The following VPS13B variants were observed in gnomAD, a reference collection of about 807,000 sequenced individuals.
VPS13B encodes intermembrane lipid transfer protein VPS13B.
In VPS13B, 285 loss-of-function variants were observed where a neutral mutation model predicts 426.4. The ratio of observed to expected loss-of-function variants is 0.67; its 90% confidence interval spans 0.61 to 0.74. The LOEUF (loss-of-function observed/expected upper bound fraction) is 0.74, where lower values mean the gene tolerates loss of function less well. Ranked by LOEUF, VPS13B falls within the 30% of genes least tolerant of loss-of-function variation. The probability of loss-of-function intolerance (pLI) is 0.00; values close to 1 mark genes in which losing one functional copy is unlikely to be tolerated. For synonymous variants in VPS13B, 1,676 were observed against 1,676.4 expected (o/e 1.00, Z 0.01); for missense variants, 4,537 against 4,782.6 (o/e 0.95, Z 1.51).
At chr8:99,304,878 C>G (rs1421681331) in intron 19 of VPS13B, among the ~76,000 whole-genome samples, 1 of 152,058 alleles carries the variant, frequency 6.6e-6, no homozygotes, top group African/African-American at 2.4e-5. Flanking sequence ...TACTGCCCCC[C>G]TCCCAATGTT....
intron 39 of VPS13B, among the ~76,000 whole-genome samples, chr8:99,731,712 A>G (rs1434952387): frequency 1.3e-5 from 2 of 152,182 alleles, no homozygotes; most frequent in Non-Finnish European, 2.9e-5. Flanking sequence ...TAGAGAAGAA[A>G]TCTATGTTCT....
chr8:99,057,031 AGT>A (rs1843914081), intron 3 of VPS13B, among the ~76,000 whole-genome samples: 1 of 151,972 alleles, frequency 6.6e-6, no homozygotes, highest in Admixed American at 6.6e-5. Context: ...TTCATTGTTA[AGT>A]TATAGAAATG....
intron 30 of VPS13B, among the ~76,000 whole-genome samples, chr8:99,541,125 A>G (rs534517109): frequency 5.3e-5 from 8 of 152,098 alleles, no homozygotes; most frequent in Non-Finnish European, 7.4e-5. Flanking sequence ...GTATTTTAGT[A>G]TTACTTATCT....
chr8:99,301,466 T>G (rs1321267991), intron 19 of VPS13B, among the ~76,000 whole-genome samples: 1 of 151,934 alleles, frequency 6.6e-6, no homozygotes, highest in African/African-American at 2.4e-5. Context: ...GCTAATTTAT[T>G]TTTAGTAGAG....
chr8:99,397,542 A>C (rs775597268), intron 21 of VPS13B, among the ~76,000 whole-genome samples: 1 of 152,152 alleles, frequency 6.6e-6, no homozygotes, highest in Non-Finnish European at 1.5e-5. Flanking sequence ...TTTAGGCTTA[A>C]GTTTGGCTGA....
At chr8:99,121,726 T>C in intron 8 of VPS13B, 1 of 609,654 alleles carries the variant, frequency 1.6e-6, no homozygotes, top group Non-Finnish European at 2.3e-6. Context: ...CAAACATGCC[T>C]TAATATTGTC....
chr8:99,689,708 C>T (rs1394562320), intron 35 of VPS13B, among the ~76,000 whole-genome samples: 1 of 152,128 alleles, frequency 6.6e-6, no homozygotes, highest in African/African-American at 2.4e-5. Flanking sequence ...TAGTTTTTTT[C>T]TGTGTCCCTG....
chr8:99,212,263 G>A (rs181619594), intron 17 of VPS13B, among the ~76,000 whole-genome samples: 3 of 152,284 alleles, frequency 2.0e-5, no homozygotes, highest in East Asian at 1.9e-4. Flanking sequence ...TTAGCCAATC[G>A]AAACATTCCC....
At chr8:99,840,107 C>T (rs1215268761) in intron 54 of VPS13B, among the ~76,000 whole-genome samples, 4 of 152,224 alleles carry the variant, frequency 2.6e-5, no homozygotes, top group African/African-American at 9.6e-5. Flanking sequence ...TGTTATGTTC[C>T]CTTTTAAAAA....
intron 25 of VPS13B, among the ~76,000 whole-genome samples, chr8:99,497,926 G>T (rs968817844): frequency 3.9e-5 from 6 of 151,976 alleles, no homozygotes; most frequent in Admixed American, 6.6e-5. Context: ...TATTCAGAAT[G>T]TAGAAATCAT....
chr8:99,300,233 T>C (rs1025781004), intron 19 of VPS13B, among the ~76,000 whole-genome samples: 2 of 152,328 alleles, frequency 1.3e-5, no homozygotes, highest in East Asian at 1.9e-4. Flanking sequence ...CCATCTATTG[T>C]CTGCAATCCC....
At chr8:99,402,976 T>G (rs1815122903) in intron 21 of VPS13B, among the ~76,000 whole-genome samples, 1 of 152,206 alleles carries the variant, frequency 6.6e-6, no homozygotes, top group Non-Finnish European at 1.5e-5. Context: ...CTAAATTAAA[T>G]TAGAAAGGAC....
chr8:99,187,042 C>T (rs6468673), intron 16 of VPS13B, among the ~76,000 whole-genome samples: 113,774 of 152,092 alleles, frequency 0.75, 43,172 homozygotes, highest in South Asian at 0.87. Context: ...TATTGCCATA[C>T]AAATACTTAC....
intron 33 of VPS13B, among the ~76,000 whole-genome samples, chr8:99,600,447 G>A (rs1827233176): frequency 6.6e-6 from 1 of 152,064 alleles, no homozygotes; most frequent in Non-Finnish European, 1.5e-5. Flanking sequence ...CAAAAATGAG[G>A]CTTTACAAGG....
At chr8:99,518,141 TCTC>T (rs1822187370) in intron 29 of VPS13B, among the ~76,000 whole-genome samples, 1 of 152,096 alleles carries the variant, frequency 6.6e-6, no homozygotes, top group African/African-American at 2.4e-5. Context: ...GTACGTCATT[TCTC>T]CTCCATATTT....
intron 25 of VPS13B, among the ~76,000 whole-genome samples, chr8:99,495,029 G>A (rs1202693947): frequency 6.6e-6 from 1 of 151,872 alleles, no homozygotes; most frequent in Non-Finnish European, 1.5e-5. Context: ...CAGAAGTAAA[G>A]ATGTCAAATA....
chr8:99,831,110 T>C (rs1299452413), intron 51 of VPS13B, among the ~76,000 whole-genome samples: 3 of 131,526 alleles, frequency 2.3e-5, no homozygotes, highest in Non-Finnish European at 4.8e-5. Context: ...TCTCGCCCTG[T>C]CACCCAGGGT....
chr8:99,465,872 T>C (rs1388530430), intron 23 of VPS13B, among the ~76,000 whole-genome samples: 1 of 152,130 alleles, frequency 6.6e-6, no homozygotes, highest in Non-Finnish European at 1.5e-5. Flanking sequence ...CAAGTTATTG[T>C]GAACTATGTT....
At chr8:99,724,267 A>G (rs866191207) in intron 39 of VPS13B, among the ~76,000 whole-genome samples, 6 of 152,170 alleles carry the variant, frequency 3.9e-5, no homozygotes, top group Middle Eastern at 3.2e-3. Context: ...TAAAAGCTCA[A>G]TCCTTCAGTC....
Sources: allele counts gnomAD v4.1 joint callset (sites outside exome capture counted in the v4.1 genomes callset), GRCh38; gene constraint gnomAD v4.1.1; transcripts MANE v1.5; gene names NCBI Gene and HGNC (gene_info 2026-07-23, HGNC 2026-07-21).